The following NMNAT2 variants were observed in gnomAD, a reference collection of about 807,000 sequenced individuals.
NMNAT2 encodes nicotinamide/nicotinic acid mononucleotide adenylyltransferase 2.
In NMNAT2, 11 loss-of-function variants were observed where a neutral mutation model predicts 41.6. The observed-to-expected ratio is 0.26, with a 90% CI of 0.17 to 0.44. NMNAT2 has a LOEUF of 0.44. Ranked by LOEUF, NMNAT2 falls within the 20% of genes least tolerant of loss-of-function variation. NMNAT2 has a pLI of 1.00. For synonymous variants in NMNAT2, 148 were observed against 151.2 expected, an observed-to-expected ratio of 0.98 and a Z score of 0.16; for missense variants, 288 against 407.7, an observed-to-expected ratio of 0.71 and a Z score of 2.53.
At position 183,307,128 on chromosome 1, in the gene NMNAT2, T is replaced by C. The variant is rs189910173; in HGVS notation, c.86-13335A>G. Among the ~76,000 whole-genome samples, 247 of 152,196 alleles carry C rather than the reference T, an allele frequency of 1.6e-3. 1 individual carries two copies. The highest frequency in any genetic ancestry group is 8.3e-4 in the South Asian group (4 of 4,808). On this transcript the variant is annotated intron_variant, in intron 1 of 10. Coordinates refer to ENST00000287713, the MANE Select transcript of NMNAT2 (RefSeq NM_015039.4). ...AAGATTTTCTTTTGACCAGCAAAGA[T>C]TGTCCCTGGCCCCAGTGAGATGTTT... is the stretch of plus-strand genomic sequence containing the variant.
intron 4 of NMNAT2, 108 bp downstream of exon 4, chr1:183,290,020 G>A (rs572200546): frequency 1.8e-5 from 15 of 812,698 alleles, no homozygotes; most frequent in East Asian, 5.5e-5. Flanking sequence ...AAAGCAGGTC[G>A]ATAGGCCAGC....
At chr1:183,341,165 C>G (rs595684) in intron 1 of NMNAT2, among the ~76,000 whole-genome samples, 1 of 152,006 alleles carries the variant, frequency 6.6e-6, no homozygotes, top group East Asian at 1.9e-4. Flanking sequence ...CTTTCATCTG[C>G]GGCAGTTTGC....
chr1:183,376,734 G>C (rs754680165), intron 1 of NMNAT2, among the ~76,000 whole-genome samples: 1 of 152,162 alleles, frequency 6.6e-6, no homozygotes, highest in Non-Finnish European at 1.5e-5. Context: ...GCATTTGACT[G>C]TGTGGTAGGT....
intron 8 of NMNAT2, among the ~76,000 whole-genome samples, chr1:183,270,723 C>T (rs180699913): frequency 2.0e-5 from 3 of 152,294 alleles, no homozygotes; most frequent in Admixed American, 1.3e-4. Context: ...AGGAGCTGAG[C>T]CTCCTTCCCC....
chr1:183,418,096 C>G (rs1302814270), intron 1 of NMNAT2, 87 bp downstream of exon 1: 7 of 1,295,076 alleles, frequency 5.4e-6, no homozygotes, highest in Non-Finnish European at 7.8e-6. Context: ...GGGCACACGC[C>G]TTCCCGTTCG....
intron 1 of NMNAT2, among the ~76,000 whole-genome samples, chr1:183,330,112 A>G (rs796136496): frequency 2.6e-5 from 4 of 152,048 alleles, no homozygotes; most frequent in African/African-American, 9.7e-5. Flanking sequence ...CAGCTCTACC[A>G]CTCCCCAGCT....
rs562987305 is a variant in NMNAT2, at chr1:183,253,295, AATATT to A, written c.822-557_822-553del. Among the ~76,000 whole-genome samples the A allele has an allele frequency of 9.8e-4, 145 of 147,840 alleles. 1 individual carries two copies. Among genetic ancestry groups the A allele is most frequent in the South Asian group, 3.8e-3 (18 of 4,762 alleles). On this transcript the variant is annotated intron_variant, in intron 10 of 10. Coordinates refer to ENST00000287713, the MANE Select transcript of NMNAT2 (RefSeq NM_015039.4). ...ATTATATTATTTATATAATAGTGTT[AATATT>A]ATATTATATTATATTATTTATATAA... is the stretch of plus-strand genomic sequence containing the variant.
chr1:183,377,982 T>A (rs916654628), intron 1 of NMNAT2, among the ~76,000 whole-genome samples: 13 of 152,188 alleles, frequency 8.5e-5, no homozygotes, highest in African/African-American at 3.1e-4. Context: ...TAACAGTGGG[T>A]TCTTCAGTAG....
At chr1:183,348,629 C>A (rs373046862) in intron 1 of NMNAT2, among the ~76,000 whole-genome samples, 2 of 152,144 alleles carry the variant, frequency 1.3e-5, no homozygotes, top group Non-Finnish European at 2.9e-5. Flanking sequence ...TTTGCTGGAA[C>A]AAAAGTTCTT....
chr1:183,280,221 G>T lies in NMNAT2; in HGVS notation c.575-1592C>A, dbSNP rs559024863. ...ATTCTGTTGTTCCTCAGGCCCACTTGGAGCCACCCAGGGTTCTAGGTCAGT... is the reference window on the plus strand; with the variant it reads ...ATTCTGTTGTTCCTCAGGCCCACTTTGAGCCACCCAGGGTTCTAGGTCAGT... On this transcript the variant is annotated intron_variant, in intron 7 of 10. Coordinates refer to ENST00000287713, the MANE Select transcript of NMNAT2 (RefSeq NM_015039.4). Among the ~76,000 whole-genome samples, 270 of 152,248 alleles carry T rather than the reference G, an allele frequency of 1.8e-3. 2 individuals are homozygous for T. The highest frequency in any genetic ancestry group is 5.9e-3 in the African/African-American group (247 of 41,552).
At chr1:183,361,726 C>G (rs1276387770) in intron 1 of NMNAT2, among the ~76,000 whole-genome samples, 1 of 152,138 alleles carries the variant, frequency 6.6e-6, no homozygotes, top group Non-Finnish European at 1.5e-5. Context: ...AAGTATCTCC[C>G]CACAGATTTT....
chr1:183,404,942 CG>C (rs1648914188), intron 1 of NMNAT2, among the ~76,000 whole-genome samples: 1 of 152,084 alleles, frequency 6.6e-6, no homozygotes, highest in African/African-American at 2.4e-5. Flanking sequence ...GATCTCAGGC[CG>C]GGCGAGGTGG....
At chr1:183,282,369 C>T (rs885449) in intron 7 of NMNAT2, among the ~76,000 whole-genome samples, 189 of 152,280 alleles carry the variant, frequency 1.2e-3, no homozygotes, top group Non-Finnish European at 2.0e-3. Flanking sequence ...CCGAGGTAGC[C>T]GTGAGCTAAT....
intron 1 of NMNAT2, among the ~76,000 whole-genome samples, chr1:183,340,579 C>T (rs1291897989): frequency 6.6e-6 from 1 of 152,208 alleles, no homozygotes; most frequent in Non-Finnish European, 1.5e-5. Flanking sequence ...CTGCCTCAGC[C>T]TCCCAAAGTG....
chr1:183,287,971 T>C (rs1661438906), intron 4 of NMNAT2, among the ~76,000 whole-genome samples: 1 of 152,166 alleles, frequency 6.6e-6, no homozygotes, highest in African/African-American at 2.4e-5. Flanking sequence ...TCTGACCACA[T>C]CTGGGAGCCA....
At position 183,249,894 on chromosome 1, in the gene NMNAT2, C is replaced by G. The variant is rs1053470827; in HGVS notation, c.*2747G>C. The G allele has an allele frequency of 6.6e-6, 1 of 152,082 alleles. No homozygotes were observed. Among genetic ancestry groups the G allele is most frequent in the Non-Finnish European group, 1.5e-5 (1 of 68,036 alleles). 9.4% of individuals were successfully genotyped at this position (152,082 alleles called of 1,614,324 possible). On this transcript the variant is annotated 3_prime_UTR_variant, in exon 11 of 11. Coordinates refer to ENST00000287713, the MANE Select transcript of NMNAT2 (RefSeq NM_015039.4). Reference sequence around the variant, plus strand: ...TTCCTAGAAATCTACTTCTATGGCACCTGTTCTTTGTCTTAATTCATCTCA... The same window carrying G: ...TTCCTAGAAATCTACTTCTATGGCAGCTGTTCTTTGTCTTAATTCATCTCA...
intron 1 of NMNAT2, among the ~76,000 whole-genome samples, chr1:183,352,832 C>G (rs934040189): frequency 3.3e-5 from 5 of 152,176 alleles, no homozygotes; most frequent in Middle Eastern, 3.4e-3. Context: ...CCATGCTCAC[C>G]CCTCTCTGAC....
chr1:183,294,705 G>A lies in NMNAT2; in HGVS notation c.86-912C>T, dbSNP rs978109015. Among the ~76,000 whole-genome samples the A allele has an allele frequency of 7.2e-5, 11 of 152,224 alleles. No individual in the cohort carries two copies. In the East Asian group the frequency reaches 1.2e-3, roughly 16 times the overall value. On this transcript the variant is annotated intron_variant, in intron 1 of 10. Transcript: ENST00000287713. ...CTCGGGAGACTGAGGCAGGAGAATC[G>A]CTTGAACCCGGGCAGCAGAGATTGC...
At chr1:183,297,791 A>G (rs192295202) in intron 1 of NMNAT2, among the ~76,000 whole-genome samples, 290 of 152,334 alleles carry the variant, frequency 1.9e-3, no homozygotes, top group Non-Finnish European at 2.7e-3. Context: ...TTTATGATTG[A>G]ATACTCAAAA....
Sources: allele counts gnomAD v4.1 joint callset (sites outside exome capture counted in the v4.1 genomes callset), GRCh38; gene constraint gnomAD v4.1.1; transcripts MANE v1.5; gene names NCBI Gene and HGNC (gene_info 2026-07-23, HGNC 2026-07-21).